DCLRE1C: variants seen among roughly 807,000 people sequenced by gnomAD.
DCLRE1C encodes the protein protein artemis.
DCLRE1C carries 47 observed loss-of-function variants against 61.4 expected under a neutral mutation model. The observed-to-expected ratio is 0.77, with a 90% CI of 0.61 to 0.98. The LOEUF (loss-of-function observed/expected upper bound fraction) is 0.98. Ranked by LOEUF, DCLRE1C falls within the 50% of genes least tolerant of loss-of-function variation. The pLI is 0.00. For synonymous variants in DCLRE1C, 337 were observed against 287.6 expected (o/e 1.17, Z -1.74); for missense variants, 858 against 816.0 (o/e 1.05, Z -0.63).
Position 14,908,477 on chromosome 10 carries a change from T to C in DCLRE1C, c.2010A>G (p.Leu670=), listed in dbSNP as rs1262787898. 1 of 1,614,008 alleles carries C rather than the reference T, an allele frequency of 6.2e-7. No homozygotes were observed. The highest frequency in any genetic ancestry group is 8.5e-7 in the Non-Finnish European group (1 of 1,179,982). Residue 670 remains leucine, a synonymous_variant, in exon 14 of 14, where the codon TTA becomes TTG. Transcript: ENST00000378278. ...ELPKREHLQY[L]YEKLATGESI... ...TCTCACCAGTTGCCAGCTTCTCATA[T>C]AAATATTGTAAATGCTCTCGTTTAG...
chr10:14,901,035 TTAAAC>T, downstream of DCLRE1C: 1 of 1,484,538 alleles, frequency 6.7e-7, no homozygotes, highest in Non-Finnish European at 9.1e-7. Flanking sequence ...CCAGTGGAAC[TTAAAC>T]TAAATCTCTA....
At chr10:14,918,380 A>G (rs1044178454) in intron 13 of DCLRE1C, among the ~76,000 whole-genome samples, 5 of 152,338 alleles carry the variant, frequency 3.3e-5, no homozygotes, top group African/African-American at 9.6e-5. Flanking sequence ...CAGACGTACT[A>G]TATGATTCTA....
At position 14,929,046 on chromosome 10, in the gene DCLRE1C, T is replaced by C. The variant is rs142144126; in HGVS notation, c.781-894A>G. Among the ~76,000 whole-genome samples the C allele has an allele frequency of 4.0e-4, 61 of 152,302 alleles. No individual in the cohort carries two copies. In the East Asian group the frequency reaches 5.2e-3, roughly 13 times the overall value. ...CTGCCCACCTTGGCCTCCTAAACTG[T>C]TGGAATTACAGGCGAGAGCCACTGG... is the stretch of plus-strand genomic sequence containing the variant. On this transcript the variant is annotated intron_variant, in intron 9 of 13. Transcript: ENST00000378278.
chr10:14,929,425 T>TAAAA (rs71388201), intron 9 of DCLRE1C, among the ~76,000 whole-genome samples: 1 of 127,544 alleles, frequency 7.8e-6, no homozygotes, highest in Non-Finnish European at 1.7e-5. Context: ...TTTTTTTAAT[T>TAAAA]AAAAAAAAAA....
At chr10:14,935,653 C>A in intron 5 of DCLRE1C, 89 bp from the exon 6 acceptor site, 1 of 1,237,434 alleles carries the variant, frequency 8.1e-7, no homozygotes, top group East Asian at 2.4e-5. Context: ...TAAATGCTTC[C>A]TGCAAACATA....
chr10:14,898,002 T>A (rs1169246778), exon 14 of DCLRE1C: 1 of 151,898 alleles, frequency 6.6e-6, no homozygotes, highest in Non-Finnish European at 1.5e-5. Context: ...GCATCCATAA[T>A]CTGTAACTTA....
chr10:14,940,192 G>A (rs1461304388), intron 3 of DCLRE1C, among the ~76,000 whole-genome samples: 1 of 151,712 alleles, frequency 6.6e-6, no homozygotes, highest in Non-Finnish European at 1.5e-5. Context: ...TCTGAATTCT[G>A]AGTCTTTGTA....
chr10:14,908,945 C>G lies in DCLRE1C; in HGVS notation c.1542G>C (p.Gly514=). Residue 514 remains glycine (G), a synonymous_variant, in exon 14 of 14, where the codon GGG becomes GGC. Coordinates refer to ENST00000378278, the MANE Select transcript of DCLRE1C (RefSeq NM_001033855.3). Reference sequence around the variant, plus strand: ...TGAAAAGCTTTGGTGACTGAGATCCCCCTGCCACTGTGGAGGAAGGGAAGT... The same window carrying G: ...TGAAAAGCTTTGGTGACTGAGATCCGCCTGCCACTGTGGAGGAAGGGAAGT... ...LENFPSSTVA[G]GSQSPKLFSD... is the part of the protein sequence containing the mutation. 1 of 1,614,164 alleles carries G rather than the reference C, an allele frequency of 6.2e-7. No homozygotes were observed. Among genetic ancestry groups the G allele is most frequent in the Non-Finnish European group, 8.5e-7 (1 of 1,180,020 alleles).
chr10:14,935,646 A>G, intron 5 of DCLRE1C, 82 bp from the exon 6 acceptor site: 2 of 1,300,134 alleles, frequency 1.5e-6, no homozygotes, highest in Non-Finnish European at 2.2e-6. Context: ...TGCATACTAA[A>G]TGCTTCCTGC....
intron 6 of DCLRE1C, among the ~76,000 whole-genome samples, chr10:14,935,246 C>A (rs1343998412): frequency 6.6e-6 from 1 of 152,018 alleles, no homozygotes; most frequent in Non-Finnish European, 1.5e-5. Flanking sequence ...GGGGGCAGAT[C>A]ACCTGAAGTC....
Position 14,934,841 on chromosome 10 carries a change from T to C in DCLRE1C, c.465-66A>G. 4.1e-6 allele frequency: 5 copies of C among 1,218,866 alleles called. No homozygotes were observed. The South Asian group carries it at 6.1e-5, about 15-fold the overall frequency. 75.5% of individuals were successfully genotyped at this position (1,218,866 alleles called of 1,614,324 possible). Reference sequence around the variant, plus strand: ...ATAAATTATGTGTAACTTTTTTTGTTTTTTGAGATGGAGTTTCGCTCTGTT... The same window carrying C: ...ATAAATTATGTGTAACTTTTTTTGTCTTTTGAGATGGAGTTTCGCTCTGTT... On this transcript the variant is annotated intron_variant, in intron 6 of 13. Coordinates refer to ENST00000378278, the MANE Select transcript of DCLRE1C (RefSeq NM_001033855.3).
chr10:14,947,334 G>A (rs1841851656), intron 2 of DCLRE1C, among the ~76,000 whole-genome samples: 2 of 152,242 alleles, frequency 1.3e-5, no homozygotes, highest in Non-Finnish European at 1.5e-5. Context: ...ATCTTAAGGG[G>A]CTGACATCTG....
In DCLRE1C at chr10:14,917,493, A is replaced by C. The variant is rs7898253; in HGVS notation, c.1156+2245T>G. Among the ~76,000 whole-genome samples the C allele has an allele frequency of 2.9e-3, 441 of 150,566 alleles. 4 individuals are homozygous for C. Among genetic ancestry groups the C allele is most frequent in the African/African-American group, 0.011 (422 of 40,062 alleles). On this transcript the variant is annotated intron_variant, in intron 13 of 13. Transcript: ENST00000378278. ...GTATACACCTGATATATTTAAAAAAAAAAAACAAAAAAAACTTGTATCCAG... is the reference window on the plus strand; with the variant it reads ...GTATACACCTGATATATTTAAAAAACAAAAACAAAAAAAACTTGTATCCAG...
intron 3 of DCLRE1C, 31 bp downstream of exon 3, chr10:14,945,069 TAAAAA>T (rs765333164): frequency 1.3e-6 from 2 of 1,523,810 alleles, no homozygotes; most frequent in Non-Finnish European, 9.0e-7. Context: ...ACTTCCCACT[TAAAAA>T]AAATTAAGTT....
At chr10:14,922,914 TCTC>T (rs1311254659) in intron 12 of DCLRE1C, 64 bp downstream of exon 12, 7 of 1,104,120 alleles carry the variant, frequency 6.3e-6, no homozygotes, top group Non-Finnish European at 9.8e-6. Context: ...TCAGGCAAAC[TCTC>T]CTTTGTGTCC....
At chr10:14,935,434 T>A (rs1206535087) in intron 6 of DCLRE1C, 29 bp downstream of exon 6, 1 of 1,600,880 alleles carries the variant, frequency 6.2e-7, no homozygotes, top group African/African-American at 1.3e-5. Flanking sequence ...TAAAATAAAA[T>A]AAAATAAAAC....
At chr10:14,929,499 C>T (rs1278375282) in intron 9 of DCLRE1C, among the ~76,000 whole-genome samples, 1 of 149,026 alleles carries the variant, frequency 6.7e-6, no homozygotes, top group African/African-American at 2.5e-5. Flanking sequence ...AAAAATTAGC[C>T]AGGTGGGTGG....
chr10:14,909,592 A>G (rs1221349878), intron 13 of DCLRE1C, among the ~76,000 whole-genome samples: 1 of 150,568 alleles, frequency 6.6e-6, no homozygotes, highest in African/African-American at 2.5e-5. Flanking sequence ...GATCATATGC[A>G]AAACTTCAAA....
intron 2 of DCLRE1C, 51 bp downstream of exon 2, chr10:14,948,985 A>G (rs969748738): frequency 1.6e-6 from 2 of 1,261,958 alleles, no homozygotes; most frequent in Non-Finnish European, 1.2e-6. Context: ...TACAGTTGTT[A>G]TCTCTCAATT....
Sources: allele counts gnomAD v4.1 joint callset (sites outside exome capture counted in the v4.1 genomes callset), GRCh38; gene constraint gnomAD v4.1.1; transcripts MANE v1.5; gene names NCBI Gene and HGNC (gene_info 2026-07-23, HGNC 2026-07-21).